ARB2A: variants seen among roughly 807,000 people sequenced by gnomAD.
ARB2A encodes the protein ARB2 cotranscriptional regulator A.
chr5:94,010,682 C>T, the ARB2A span, among the ~76,000 whole-genome samples: 16 of 152,032 alleles, frequency 1.1e-4, no homozygotes, highest in Admixed American at 6.6e-4. Context: ...TTTACCTTAA[C>T]CTCAATCTCA....
At chr5:94,074,569 T>C in the ARB2A span, 1 of 1,096,006 alleles carries the variant, frequency 9.1e-7, no homozygotes, top group Non-Finnish European at 1.3e-6. Flanking sequence ...TTGAAATGAA[T>C]GGAAGGTCAC....
chr5:93,865,182 C>A, the ARB2A span, among the ~76,000 whole-genome samples: 3 of 152,090 alleles, frequency 2.0e-5, no homozygotes, highest in Non-Finnish European at 4.4e-5. Flanking sequence ...CCCGGGTTCT[C>A]GCCATTCTCC....
the ARB2A span, among the ~76,000 whole-genome samples, chr5:94,101,398 G>C: frequency 2.6e-5 from 4 of 152,134 alleles, no homozygotes; most frequent in Non-Finnish European, 5.9e-5. Context: ...TTTCCTCAAA[G>C]AACTAAAAGC....
At chr5:93,647,967 AAC>A in the ARB2A span, among the ~76,000 whole-genome samples, 4 of 152,050 alleles carry the variant, frequency 2.6e-5, no homozygotes, top group Non-Finnish European at 5.9e-5. Flanking sequence ...ACATGGGGAA[AAC>A]ACATCTCTAC....
the ARB2A span, among the ~76,000 whole-genome samples, chr5:93,908,863 A>C: frequency 3.3e-5 from 5 of 150,934 alleles, 1 homozygote; most frequent in African/African-American, 1.2e-4. Context: ...TCCTTCTAAA[A>C]ACCAAACTTT....
the ARB2A span, among the ~76,000 whole-genome samples, chr5:93,763,242 AC>A: frequency 6.6e-6 from 1 of 152,204 alleles, no homozygotes; most frequent in Non-Finnish European, 1.5e-5. Context: ...ATTAAAAGAC[AC>A]AGACTGGCAA....
chr5:93,980,316 T>C, the ARB2A span, among the ~76,000 whole-genome samples: 1 of 152,170 alleles, frequency 6.6e-6, no homozygotes. Context: ...CAGTTGTTAA[T>C]GTTTCAGCTG....
At chr5:93,923,944 T>C in the ARB2A span, among the ~76,000 whole-genome samples, 2 of 152,000 alleles carry the variant, frequency 1.3e-5, no homozygotes, top group South Asian at 2.1e-4. Context: ...ATGCCAGTGG[T>C]TAATAAAATG....
the ARB2A span, among the ~76,000 whole-genome samples, chr5:93,899,368 G>C: frequency 6.6e-6 from 1 of 151,986 alleles, no homozygotes; most frequent in Non-Finnish European, 1.5e-5. Flanking sequence ...CACTAAAATA[G>C]GAAACCCTTG....
At chr5:93,696,364 C>T in the ARB2A span, among the ~76,000 whole-genome samples, 1 of 152,172 alleles carries the variant, frequency 6.6e-6, no homozygotes, top group Admixed American at 6.5e-5. Context: ...GCTGACAACC[C>T]TAGTTGAAAT....
chr5:93,892,340 T>C, the ARB2A span, among the ~76,000 whole-genome samples: 24,858 of 152,162 alleles, frequency 0.16, 2,595 homozygotes, highest in Non-Finnish European at 0.23. Context: ...CACTATTAAA[T>C]AGAAGCCCTA....
chr5:93,839,279 C>T, the ARB2A span, among the ~76,000 whole-genome samples: 1,630 of 152,144 alleles, frequency 0.011, 14 homozygotes, highest in Non-Finnish European at 0.016. Flanking sequence ...AAGGCTTTTC[C>T]GCATCTATTA....
At chr5:93,704,555 C>A in the ARB2A span, among the ~76,000 whole-genome samples, 1 of 152,284 alleles carries the variant, frequency 6.6e-6, no homozygotes, top group East Asian at 1.9e-4. Context: ...CAGAGCGAGA[C>A]CCTGTCTCAA....
At chr5:93,631,630 G>A in the ARB2A span, among the ~76,000 whole-genome samples, 1 of 152,318 alleles carries the variant, frequency 6.6e-6, no homozygotes, top group East Asian at 1.9e-4. Context: ...TTAGCAAAGA[G>A]CTTTACTGGG....
the ARB2A span, among the ~76,000 whole-genome samples, chr5:93,890,660 C>G: frequency 6.6e-6 from 1 of 152,036 alleles, no homozygotes; most frequent in East Asian, 1.9e-4. Context: ...CACAGTGACA[C>G]AGGGCTCTGA....
the ARB2A span, among the ~76,000 whole-genome samples, chr5:93,849,204 G>T: frequency 2.0e-5 from 3 of 151,958 alleles, no homozygotes; most frequent in Non-Finnish European, 4.4e-5. Flanking sequence ...GGGGTCTTAG[G>T]ATAGGATACC....
the ARB2A span, among the ~76,000 whole-genome samples, chr5:94,073,992 G>A: frequency 4.6e-5 from 7 of 151,792 alleles, no homozygotes; most frequent in African/African-American, 1.5e-4. Context: ...TTTGGTATTC[G>A]GGATCTCTCC....
At chr5:93,744,096 A>G in the ARB2A span, among the ~76,000 whole-genome samples, 16 of 152,342 alleles carry the variant, frequency 1.1e-4, no homozygotes, top group African/African-American at 3.8e-4. Context: ...GCTTTATTAT[A>G]TTTAAACTGA....
At chr5:93,800,295 C>A in the ARB2A span, among the ~76,000 whole-genome samples, 2 of 151,566 alleles carry the variant, frequency 1.3e-5, no homozygotes, top group Admixed American at 1.3e-4. Flanking sequence ...ACTTTAAAAT[C>A]TGCAAGAATA....
Sources: allele counts gnomAD v4.1 joint callset (sites outside exome capture counted in the v4.1 genomes callset), GRCh38; gene constraint gnomAD v4.1.1; transcripts MANE v1.5; gene names NCBI Gene and HGNC (gene_info 2026-07-23, HGNC 2026-07-21).